Variants in ENTPD1 observed in about 807,000 individuals in gnomAD.
ENTPD1 encodes ATP diphosphohydrolase.
Under a neutral mutation model 57.0 loss-of-function variants are expected in ENTPD1, and 33 were observed. That is an observed-to-expected ratio of 0.58 (90% CI 0.44 to 0.77). ENTPD1 has a LOEUF of 0.77. ENTPD1 is among the 30% of genes least tolerant of loss of function. The pLI is 0.00. For missense variants in ENTPD1, 501 were observed against 603.4 expected, an observed-to-expected ratio of 0.83 and a Z score of 1.78; for synonymous variants, 202 against 218.8, an observed-to-expected ratio of 0.92 and a Z score of 0.68.
In ENTPD1 at chr10:95,874,578, G is replaced by A. The variant is rs1462329712; in HGVS notation, c.*8195G>A. Among the ~76,000 whole-genome samples, 1 of 152,156 alleles carries A rather than the reference G, an allele frequency of 6.6e-6. No individual in the cohort carries two copies. The highest frequency in any genetic ancestry group is 2.4e-5 in the African/African-American group (1 of 41,436). On this transcript the variant is annotated 3_prime_UTR_variant, in exon 10 of 10. Coordinates refer to ENST00000371205, the MANE Select transcript of ENTPD1 (RefSeq NM_001776.6). ...TACCATTCTGGGGTCTACCATTCTG[G>A]GGTCTACCGTTCTGGGACTGTGGCC... is the stretch of plus-strand genomic sequence containing the variant.
At chr10:95,731,661 T>C (rs903350439) in intron 1 of ENTPD1, among the ~76,000 whole-genome samples, 5 of 152,162 alleles carry the variant, frequency 3.3e-5, no homozygotes, top group Admixed American at 3.3e-4. Context: ...AGCTATGAGC[T>C]GTATTCTACA....
At chr10:95,755,845 C>G (rs1046069056), upstream of ENTPD1, 2 of 1,514,024 alleles carry the variant, frequency 1.3e-6, no homozygotes, top group Non-Finnish European at 1.8e-6. Context: ...ATGACTTTTT[C>G]AAGGGAGAAA....
the ENTPD1 span, among the ~76,000 whole-genome samples, chr10:95,705,277 A>ATG: frequency 8.5e-4 from 128 of 150,168 alleles, 1 homozygote; most frequent in African/African-American, 2.3e-3. Flanking sequence ...CCAGTAGAAA[A>ATG]TGTGTGTGTG....
chr10:95,725,236 TC>T (rs953768730), intron 1 of ENTPD1, among the ~76,000 whole-genome samples: 2 of 152,210 alleles, frequency 1.3e-5, no homozygotes, highest in African/African-American at 4.8e-5. Context: ...TATTGATATT[TC>T]CTATTGCTGA....
At chr10:95,758,518 T>G (rs2098040465) in intron 1 of ENTPD1, among the ~76,000 whole-genome samples, 1 of 152,218 alleles carries the variant, frequency 6.6e-6, no homozygotes, top group South Asian at 2.1e-4. Context: ...AGCCCCCATC[T>G]TGGATGCTTC....
At chr10:95,732,917 C>T (rs1412512883) in intron 1 of ENTPD1, among the ~76,000 whole-genome samples, 2 of 152,146 alleles carry the variant, frequency 1.3e-5, no homozygotes, top group Admixed American at 1.3e-4. Context: ...GGTGAGATCA[C>T]AGGACGGGGG....
chr10:95,825,682 G>A (rs1010086597), intron 2 of ENTPD1, among the ~76,000 whole-genome samples: 37 of 152,058 alleles, frequency 2.4e-4, no homozygotes, highest in African/African-American at 8.7e-4. Flanking sequence ...GGTTCACGTC[G>A]TTCTCCTGCC....
chr10:95,794,133 C>T (rs187840371), intron 1 of ENTPD1, among the ~76,000 whole-genome samples: 1 of 152,080 alleles, frequency 6.6e-6, no homozygotes, highest in East Asian at 1.9e-4. Context: ...AATTGAAGCT[C>T]TATGTTGACA....
chr10:95,715,584 A>G (rs905628862), intron 1 of ENTPD1, among the ~76,000 whole-genome samples: 1 of 150,882 alleles, frequency 6.6e-6, no homozygotes, highest in East Asian at 1.9e-4. Flanking sequence ...CTATTTTGCT[A>G]TTTCCTTTCT....
rs376922960 is a variant in ENTPD1 at position 95,873,296 on chromosome 10, G to A, written c.*6913G>A. 1.6e-5 allele frequency: 16 copies of A among 985,408 alleles called. No homozygotes were observed. The highest frequency in any genetic ancestry group is 5.2e-4 in the Middle Eastern group (1 of 1,914). The allele number at this position is 985,408 out of a possible 1,614,324, so 61.0% of individuals were successfully genotyped here. On this transcript the variant is annotated 3_prime_UTR_variant, in exon 10 of 10. Transcript: ENST00000371205. ...TCTGTTCCACAGCAGGCCAGCTAACGTGGTATTTACAAAGCTCACTCCTCT... is the reference window on the plus strand; with the variant it reads ...TCTGTTCCACAGCAGGCCAGCTAACATGGTATTTACAAAGCTCACTCCTCT...
chr10:95,820,993 G>A (rs2098348594), intron 1 of ENTPD1, among the ~76,000 whole-genome samples: 1 of 152,198 alleles, frequency 6.6e-6, no homozygotes, highest in Non-Finnish European at 1.5e-5. Context: ...AATAGCTTGA[G>A]GGAGTAAAAC....
intron 1 of ENTPD1, among the ~76,000 whole-genome samples, chr10:95,761,801 G>A (rs1340442856): frequency 1.3e-5 from 2 of 152,218 alleles, no homozygotes; most frequent in East Asian, 3.8e-4. Flanking sequence ...AAGTACTGGA[G>A]CAGAATGTGT....
At chr10:95,831,273 T>C (rs2098395936) in intron 2 of ENTPD1, among the ~76,000 whole-genome samples, 1 of 152,212 alleles carries the variant, frequency 6.6e-6, no homozygotes. Context: ...CTCTGATTTG[T>C]CATCCCTGTC....
chr10:95,797,815 A>G (rs980367955), intron 1 of ENTPD1, among the ~76,000 whole-genome samples: 13 of 152,216 alleles, frequency 8.5e-5, no homozygotes, highest in Non-Finnish European at 8.8e-5. Context: ...CACCTTCAAC[A>G]TTGAAGGTCA....
chr10:95,697,807 G>A, the ENTPD1 span, among the ~76,000 whole-genome samples: 2 of 152,152 alleles, frequency 1.3e-5, no homozygotes, highest in African/African-American at 4.8e-5. Flanking sequence ...CCTGTTTCAG[G>A]CATTCTGTTA....
intron 1 of ENTPD1, chr10:95,756,533 G>A: frequency 2.2e-6 from 1 of 456,862 alleles, no homozygotes. Context: ...TTTTTTAGAG[G>A]CAAATGACTT....
chr10:95,815,711 A>T lies in ENTPD1; in HGVS notation c.17-7526A>T, dbSNP rs145339728. The stretch of plus-strand genomic sequence containing the variant: ...CAGTGTATCCATACGGGTCTGCAGT[A>T]ACCTCAATTCTTGCCTCATCAGAAG... On this transcript the variant is annotated intron_variant, in intron 1 of 9. Coordinates refer to ENST00000371205, the MANE Select transcript of ENTPD1 (RefSeq NM_001776.6). Among the ~76,000 whole-genome samples the T allele has an allele frequency of 2.2e-3, 337 of 152,344 alleles. 5 individuals carry two copies. The highest frequency in any genetic ancestry group is 0.018 in the Admixed American group (281 of 15,302).
chr10:95,724,406 T>C (rs949042815), intron 1 of ENTPD1, among the ~76,000 whole-genome samples: 3 of 152,052 alleles, frequency 2.0e-5, no homozygotes, highest in African/African-American at 7.2e-5. Context: ...GCTCCCAAGA[T>C]CGTGGGCCAT....
intron 1 of ENTPD1, among the ~76,000 whole-genome samples, chr10:95,790,423 C>T (rs2098198973): frequency 6.6e-6 from 1 of 152,174 alleles, no homozygotes; most frequent in Non-Finnish European, 1.5e-5. Flanking sequence ...AGATTTTCAA[C>T]TCCGTGGAGG....
Sources: allele counts gnomAD v4.1 joint callset (sites outside exome capture counted in the v4.1 genomes callset), GRCh38; gene constraint gnomAD v4.1.1; transcripts MANE v1.5; gene names NCBI Gene and HGNC (gene_info 2026-07-23, HGNC 2026-07-21).